The following LARGE1 variants were observed in gnomAD, a reference collection of about 807,000 sequenced individuals.
The protein encoded by LARGE1 is xylosyl- and glucuronyltransferase LARGE1.
A neutral mutation model predicts 87.6 loss-of-function variants in LARGE1; 43 were observed. The observed-to-expected ratio is 0.49, with a 90% CI of 0.38 to 0.63. The LOEUF is 0.63. LARGE1 is among the 30% of genes least tolerant of loss of function. The pLI is 0.00. For synonymous variants in LARGE1, 434 were observed against 394.6 expected (o/e 1.10, Z -1.18); for missense variants, 802 against 1,000.2 (o/e 0.80, Z 2.67).
chr22:33,232,334 A>G (rs1450212331), intron 11 of LARGE1, among the ~76,000 whole-genome samples: 3 of 152,216 alleles, frequency 2.0e-5, no homozygotes, highest in Non-Finnish European at 4.4e-5. Flanking sequence ...CCTCTGTTCC[A>G]AGAACTATAA....
At chr22:33,239,529 T>C (rs1293701504) in intron 11 of LARGE1, among the ~76,000 whole-genome samples, 1 of 136,258 alleles carries the variant, frequency 7.3e-6, no homozygotes, top group Non-Finnish European at 1.6e-5. Flanking sequence ...TTTCTTTTTT[T>C]CTTTTCTTTT....
intron 5 of LARGE1, among the ~76,000 whole-genome samples, chr22:33,574,532 G>A (rs186016615): frequency 5.1e-4 from 78 of 151,922 alleles, no homozygotes; most frequent in Middle Eastern, 3.4e-3. Flanking sequence ...GACAATTAAA[G>A]GGGAGTGATA....
chr22:33,189,950 CA>C (rs927332137), intron 11 of LARGE1, among the ~76,000 whole-genome samples: 3 of 152,236 alleles, frequency 2.0e-5, no homozygotes, highest in African/African-American at 7.2e-5. Context: ...AGAAGTTGTC[CA>C]AAGGGACAAA....
In LARGE1 at chr22:33,809,881, T is replaced by TA. The variant is rs908255048; in HGVS notation, c.-82-48324dup. ...TACCTCCAAAACCAGAAGCTTGTGT[T>TA]AAAAAAAAAAACAAAAAAACTTTAC... On this transcript the variant is annotated intron_variant, in intron 1 of 14. Coordinates refer to ENST00000397394, the MANE Select transcript of LARGE1 (RefSeq NM_133642.5). Among the ~76,000 whole-genome samples the TA allele has an allele frequency of 5.0e-3, 732 of 144,962 alleles. 11 individuals carry two copies. The highest frequency in any genetic ancestry group is 0.024 in the Admixed American group (344 of 14,444).
chr22:33,460,783 C>T (rs891893482), intron 6 of LARGE1, among the ~76,000 whole-genome samples: 3 of 152,184 alleles, frequency 2.0e-5, no homozygotes, highest in African/African-American at 7.2e-5. Context: ...AGAAGTCACA[C>T]CTTTGATGGG....
At chr22:33,668,941 A>C (rs1291787013) in intron 2 of LARGE1, among the ~76,000 whole-genome samples, 1 of 152,206 alleles carries the variant, frequency 6.6e-6, no homozygotes, top group African/African-American at 2.4e-5. Context: ...AGAGAGGGTT[A>C]ATTTGCAGCA....
At chr22:33,809,316 C>T (rs2086418427) in intron 1 of LARGE1, among the ~76,000 whole-genome samples, 1 of 152,038 alleles carries the variant, frequency 6.6e-6, no homozygotes, top group Non-Finnish European at 1.5e-5. Flanking sequence ...CCCTAGCCTC[C>T]TGCACTTTTC....
At chr22:33,427,693 G>T (rs1272558327) in intron 7 of LARGE1, among the ~76,000 whole-genome samples, 1 of 152,212 alleles carries the variant, frequency 6.6e-6, no homozygotes, top group Non-Finnish European at 1.5e-5. Context: ...TGGTTAGGGG[G>T]ATAAATAAAA....
At chr22:33,142,276 C>A in the LARGE1 span, among the ~76,000 whole-genome samples, 3 of 152,276 alleles carry the variant, frequency 2.0e-5, no homozygotes, top group South Asian at 2.1e-4. Flanking sequence ...GAAGCCTGTG[C>A]ATGTGAACAA....
At chr22:33,285,326 A>G (rs1164979058) in intron 12 of LARGE1, among the ~76,000 whole-genome samples, 1 of 152,126 alleles carries the variant, frequency 6.6e-6, no homozygotes, top group African/African-American at 2.4e-5. Context: ...CTCCTTGGCC[A>G]TACAACTGTC....
chr22:33,418,549 T>C (rs2066581666), intron 7 of LARGE1, among the ~76,000 whole-genome samples: 5 of 152,244 alleles, frequency 3.3e-5, no homozygotes, highest in African/African-American at 1.2e-4. Flanking sequence ...ATAGGATGGC[T>C]AGGGAAGCCC....
intron 1 of LARGE1, among the ~76,000 whole-genome samples, chr22:33,780,026 T>C (rs2085369119): frequency 6.7e-6 from 1 of 149,142 alleles, no homozygotes; most frequent in Non-Finnish European, 1.5e-5. Flanking sequence ...CAGGGCACGC[T>C]CACTCTCAAG....
intron 2 of LARGE1, among the ~76,000 whole-genome samples, chr22:33,738,844 CAAA>C (rs546110880): frequency 6.7e-5 from 5 of 74,316 alleles, no homozygotes; most frequent in Admixed American, 1.6e-4. Flanking sequence ...GACTCCGTCT[CAAA>C]AAAAAAAAAA....
At chr22:33,743,302 A>G (rs533935739) in intron 2 of LARGE1, 17 of 152,332 alleles carry the variant, frequency 1.1e-4, no homozygotes, top group Non-Finnish European at 2.4e-4. Flanking sequence ...GCGTGTTGGA[A>G]GTTCACTGTC....
At chr22:33,697,549 CAAAAAAAAA>C (rs3072289) in intron 2 of LARGE1, among the ~76,000 whole-genome samples, 2 of 54,116 alleles carry the variant, frequency 3.7e-5, no homozygotes, top group African/African-American at 1.7e-4. Context: ...GACTCTGTCC[CAAAAAAAAA>C]AAAAAAAAAA....
intron 4 of LARGE1, among the ~76,000 whole-genome samples, chr22:33,624,403 T>C (rs941544223): frequency 6.6e-6 from 1 of 152,162 alleles, no homozygotes; most frequent in African/African-American, 2.4e-5. Context: ...TGTGGGCTGG[T>C]AGACGAGAAA....
chr22:33,793,564 G>T (rs561739255), intron 1 of LARGE1, among the ~76,000 whole-genome samples: 1 of 152,372 alleles, frequency 6.6e-6, no homozygotes, highest in South Asian at 2.1e-4. Flanking sequence ...GGCACAGGCT[G>T]TGAGAAGTGA....
At chr22:33,360,123 G>A (rs2064331579) in intron 9 of LARGE1, among the ~76,000 whole-genome samples, 1 of 149,594 alleles carries the variant, frequency 6.7e-6, no homozygotes, top group African/African-American at 2.5e-5. Flanking sequence ...GACCAGTCTG[G>A]CCAACATGGT....
Position 33,727,899 on chromosome 22 carries a change from G to A in LARGE1, c.106+33472C>T, listed in dbSNP as rs182174301. 2.6e-3 allele frequency among the ~76,000 whole-genome samples: 403 copies of A among 152,232 alleles called. 6 individuals are homozygous for A. The highest frequency in any genetic ancestry group is 1.9e-3 in the Non-Finnish European group (128 of 68,000). On this transcript the variant is annotated intron_variant, in intron 2 of 14. Coordinates refer to ENST00000397394, the MANE Select transcript of LARGE1 (RefSeq NM_133642.5). The stretch of plus-strand genomic sequence containing the variant: ...GCAGGTGAGATTTGAGCAGAGCAGG[G>A]CCAGCATTAAAGACATCAGCAGGGA...
Sources: allele counts gnomAD v4.1 joint callset (sites outside exome capture counted in the v4.1 genomes callset), GRCh38; gene constraint gnomAD v4.1.1; transcripts MANE v1.5; gene names NCBI Gene and HGNC (gene_info 2026-07-23, HGNC 2026-07-21).